Variants in INTS6 observed in about 807,000 individuals in gnomAD.
The protein encoded by INTS6 is DEAD box protein.
A neutral mutation model predicts 104.9 loss-of-function variants in INTS6; 16 were observed. The observed-to-expected ratio is 0.15, with a 90% CI of 0.10 to 0.23. INTS6 has a LOEUF of 0.23. Ranked by LOEUF, INTS6 falls within the 10% of genes least tolerant of loss-of-function variation. The probability of loss-of-function intolerance (pLI) is 1.00; values close to 1 mark genes in which losing one functional copy is unlikely to be tolerated. For missense variants in INTS6, 584 were observed against 1,062.8 expected, an observed-to-expected ratio of 0.55 and a Z score of 6.26; for synonymous variants, 324 against 358.7, an observed-to-expected ratio of 0.90 and a Z score of 1.09.
At position 51,451,963 on chromosome 13, in the gene INTS6, G is replaced by A; in HGVS notation, c.189+15C>T. 1.9e-6 allele frequency: 3 copies of A among 1,591,462 alleles called. No individual in the cohort carries two copies. Among genetic ancestry groups the A allele is most frequent in the Non-Finnish European group, 2.6e-6 (3 of 1,163,532 alleles). On this transcript the variant is annotated intron_variant, in intron 2 of 17. Transcript: ENST00000311234. ...GGAAGGGAAGGGAGGAAAGGGGGAG[G>A]GCGAGGGCTGTTACCTTGATAGCAT...
Position 51,364,408 on chromosome 13 carries a change from T to C in INTS6, c.*1344A>G. 2 of 509,482 alleles carry C rather than the reference T, an allele frequency of 3.9e-6. No individual in the cohort carries two copies. The highest frequency in any genetic ancestry group is 3.6e-5 in the South Asian group (1 of 28,098). The allele number at this position is 509,482 out of a possible 1,614,324, so 31.6% of individuals were successfully genotyped here. A position where few individuals can be genotyped will look rare whatever the true frequency, so the allele number is the denominator to read the frequency against. ...AGCTAAGGGTATGTGATTTTCAATA[T>C]TATAAACCTAAAAATACTTCAGTTT... is the stretch of plus-strand genomic sequence containing the variant. On this transcript the variant is annotated 3_prime_UTR_variant, in exon 18 of 18. Transcript: ENST00000311234.
chr13:51,346,955 C>T, the INTS6 span: 2 of 1,171,088 alleles, frequency 1.7e-6, no homozygotes, highest in Non-Finnish European at 2.5e-6. Flanking sequence ...TCCTTGTCCG[C>T]ACACACACTG....
At chr13:51,353,267 T>C (rs1398118255), downstream of INTS6, among the ~76,000 whole-genome samples, 2 of 152,224 alleles carry the variant, frequency 1.3e-5, no homozygotes, top group African/African-American at 4.8e-5. Context: ...TAGTTTCAAA[T>C]AGCCCTTAAT....
At chr13:51,434,307 T>C (rs1957147354) in intron 3 of INTS6, among the ~76,000 whole-genome samples, 1 of 152,184 alleles carries the variant, frequency 6.6e-6, no homozygotes, top group African/African-American at 2.4e-5. Flanking sequence ...TATATACTAA[T>C]GTTTACTTTT....
chr13:51,412,866 C>G (rs1364607824), intron 4 of INTS6, among the ~76,000 whole-genome samples: 2 of 152,164 alleles, frequency 1.3e-5, no homozygotes, highest in African/African-American at 2.4e-5. Context: ...GTGCAAAATT[C>G]TCCAGAGTAA....
chr13:51,354,787 T>C (rs1955454340), intron 3 of INTS6, among the ~76,000 whole-genome samples: 1 of 151,628 alleles, frequency 6.6e-6, no homozygotes, highest in African/African-American at 2.4e-5. Context: ...AACTGAAAAA[T>C]GGATAATAAC....
chr13:51,399,631 T>C (rs1022433948), intron 4 of INTS6, among the ~76,000 whole-genome samples: 2 of 152,176 alleles, frequency 1.3e-5, no homozygotes, highest in Non-Finnish European at 2.9e-5. Context: ...ACTAGCAGCG[T>C]ATAACAGAAC....
In INTS6 at chr13:51,374,493, C is replaced by A. The variant is rs186849402; in HGVS notation, c.1873-54G>T. 33 of 1,562,368 alleles carry A rather than the reference C, an allele frequency of 2.1e-5. 1 individual carries two copies. In the Admixed American group the frequency reaches 3.0e-4, roughly 14 times the overall value. ...GAATTTACAAACAATGTTTAAATGG[C>A]ACAACCAGTGTCAATTCCAATGAAG... On this transcript the variant is annotated intron_variant, in intron 14 of 17. Coordinates refer to ENST00000311234, the MANE Select transcript of INTS6 (RefSeq NM_012141.3).
At chr13:51,392,872 AGAGTGGGCACTCATTAATTACCT>A in intron 5 of INTS6, among the ~76,000 whole-genome samples, 1 of 152,288 alleles carries the variant, frequency 6.6e-6, no homozygotes, top group South Asian at 2.1e-4. Context: ...TATTTGGCAT[AGAGTGGGCACTCATTAATTACCT>A]GATATCAAAA....
chr13:51,423,915 CAT>C lies in INTS6; in HGVS notation c.429+6377_429+6378del, dbSNP rs1348615141. Reference sequence around the variant, plus strand: ...TAAATTTGACTGTACATCAGAATCACATGAGACACTGTAAAAATACAGATTCC... The same window carrying C: ...TAAATTTGACTGTACATCAGAATCACGAGACACTGTAAAAATACAGATTCC... On this transcript the variant is annotated intron_variant, in intron 4 of 17. Coordinates refer to ENST00000311234, the MANE Select transcript of INTS6 (RefSeq NM_012141.3). Among the ~76,000 whole-genome samples, 12 of 152,168 alleles carry C rather than the reference CAT, an allele frequency of 7.9e-5. No homozygotes were observed. The East Asian group carries it at 9.6e-4, about 12-fold the overall frequency.
downstream of INTS6, among the ~76,000 whole-genome samples, chr13:51,350,176 G>T (rs1955390643): frequency 6.6e-6 from 1 of 152,140 alleles, no homozygotes; most frequent in South Asian, 2.1e-4. Context: ...ATGCAAAATT[G>T]TGTGACTATG....
intron 4 of INTS6, among the ~76,000 whole-genome samples, chr13:51,412,975 T>A (rs999316638): frequency 6.6e-6 from 1 of 152,170 alleles, no homozygotes; most frequent in East Asian, 1.9e-4. Flanking sequence ...TATAATCAAA[T>A]GCGAAATTTC....
downstream of INTS6, among the ~76,000 whole-genome samples, chr13:51,352,700 A>ATG (rs935879579): frequency 3.9e-5 from 6 of 151,990 alleles, no homozygotes; most frequent in African/African-American, 1.4e-4. Context: ...TTTTACTGTA[A>ATG]TGTGTGATAT....
intron 11 of INTS6, 67 bp downstream of exon 11, chr13:51,379,395 C>T: frequency 2.6e-6 from 2 of 764,944 alleles, no homozygotes; most frequent in Non-Finnish European, 2.1e-6. Context: ...TAGCTTTTAA[C>T]CTGTTTAACC....
At chr13:51,382,670 T>C (rs749418314) in intron 9 of INTS6, among the ~76,000 whole-genome samples, 5 of 143,856 alleles carry the variant, frequency 3.5e-5, no homozygotes, top group Non-Finnish European at 5.9e-5. Flanking sequence ...TTGTTAACTA[T>C]ACTATGTTTC....
At chr13:51,359,020 G>A (rs1227952684), downstream of INTS6, among the ~76,000 whole-genome samples, 1 of 152,032 alleles carries the variant, frequency 6.6e-6, no homozygotes, top group Non-Finnish European at 1.5e-5. Context: ...GTCCCCTACT[G>A]AAAACAAAAG....
intron 5 of INTS6, 80 bp from the exon 6 acceptor site, chr13:51,389,524 G>GA (rs1008532611): frequency 5.6e-6 from 7 of 1,254,572 alleles, no homozygotes; most frequent in African/African-American, 3.2e-5. Context: ...TCATTAGCAA[G>GA]AAAAAAACAA....
At chr13:51,397,803 G>T (rs1276812778) in intron 4 of INTS6, among the ~76,000 whole-genome samples, 2 of 151,318 alleles carry the variant, frequency 1.3e-5, no homozygotes, top group African/African-American at 4.9e-5. Flanking sequence ...GGGAAAACAG[G>T]CACTGCGCGG....
intron 3 of INTS6, among the ~76,000 whole-genome samples, chr13:51,432,915 ATC>A (rs1307923249): frequency 6.6e-6 from 1 of 152,190 alleles, no homozygotes; most frequent in East Asian, 1.9e-4. Context: ...ATAACAATAA[ATC>A]TCTCTCTTGG....
Sources: allele counts gnomAD v4.1 joint callset (sites outside exome capture counted in the v4.1 genomes callset), GRCh38; gene constraint gnomAD v4.1.1; transcripts MANE v1.5; gene names NCBI Gene and HGNC (gene_info 2026-07-23, HGNC 2026-07-21).